CAPN8: variants seen among roughly 807,000 people sequenced by gnomAD.
The protein encoded by CAPN8 is calpain-8.
In CAPN8, 87 loss-of-function variants were observed where a neutral mutation model predicts 80.9. The ratio of observed to expected loss-of-function variants is 1.07; its 90% CI spans 0.90 to 1.28. The LOEUF (loss-of-function observed/expected upper bound fraction) is 1.28, where lower values mean the gene tolerates loss of function less well. CAPN8 is among the 50% of genes most tolerant of loss of function. CAPN8 has a pLI of 0.00. For missense variants in CAPN8, 757 were observed against 702.0 expected (o/e 1.08, Z -0.89); for synonymous variants, 299 against 273.8 (o/e 1.09, Z -0.91).
chr1:223,615,262 C>T (rs1285444571), intron 10 of CAPN8, among the ~76,000 whole-genome samples: 5 of 152,150 alleles, frequency 3.3e-5, no homozygotes, highest in East Asian at 1.9e-4. Flanking sequence ...CCATGAGCCC[C>T]GCTGGAATTT....
chr1:223,623,762 G>A (rs554634831), intron 6 of CAPN8, among the ~76,000 whole-genome samples: 3 of 152,302 alleles, frequency 2.0e-5, no homozygotes, highest in East Asian at 3.9e-4. Flanking sequence ...TTGGGAGGCC[G>A]AGGTGGGCAG....
intron 1 of CAPN8, among the ~76,000 whole-genome samples, chr1:223,660,708 T>A (rs1261995024): frequency 6.6e-6 from 1 of 152,208 alleles, no homozygotes; most frequent in Non-Finnish European, 1.5e-5. Flanking sequence ...GTTCAACCCA[T>A]CTCATCTGCT....
intron 8 of CAPN8, among the ~76,000 whole-genome samples, chr1:223,619,714 A>G (rs972416103): frequency 2.6e-5 from 4 of 152,240 alleles, no homozygotes; most frequent in African/African-American, 9.6e-5. Context: ...AAACTGCAAA[A>G]GACCCCAGGA....
chr1:223,544,000 G>A (rs1176724099), intron 19 of CAPN8, 67 bp downstream of exon 19: 3 of 705,642 alleles, frequency 4.3e-6, no homozygotes, highest in Non-Finnish European at 7.9e-6. Context: ...CTGCCCCTTG[G>A]CCCTGCCCCT....
At chr1:223,542,158 TTATATACACACA>T (rs1486728724) in intron 20 of CAPN8, among the ~76,000 whole-genome samples, 2 of 151,898 alleles carry the variant, frequency 1.3e-5, no homozygotes, top group African/African-American at 4.8e-5. Flanking sequence ...GTGTATACTA[TTATATACACACA>T]TATATATACA....
chr1:223,650,971 C>T (rs968771325), intron 2 of CAPN8, among the ~76,000 whole-genome samples: 2 of 152,256 alleles, frequency 1.3e-5, no homozygotes, highest in Non-Finnish European at 1.5e-5. Flanking sequence ...CTGGCTGGGT[C>T]GCTGAAGTTT....
intron 2 of CAPN8, among the ~76,000 whole-genome samples, chr1:223,650,451 A>G (rs537401835): frequency 6.6e-6 from 1 of 152,312 alleles, no homozygotes; most frequent in South Asian, 2.1e-4. Flanking sequence ...GTGGGAGAAG[A>G]CCCAAACCAT....
rs1265836603 is a variant in CAPN8, at chr1:223,628,724, A to G, written c.364T>C (p.Tyr122His). ...TCCTGGTCCCTGGGGACCACCCGGT[A>G]AAGCAGCTCTTCATTCAGGGTCAGG... ...ASLTLNEELL[Y>H]RVVPRDQDFQ... Residue 122 changes from tyrosine (Y) to histidine (H), a missense_variant, in exon 3 of 21, where the codon TAC becomes CAC. By Grantham distance (83) the Tyr-to-His change is moderately conservative. Transcript: ENST00000366872. The G allele has an allele frequency of 6.4e-7, 1 of 1,552,292 alleles. No homozygotes were observed. Among genetic ancestry groups the G allele is most frequent in the Non-Finnish European group, 8.7e-7 (1 of 1,147,432 alleles).
rs1658037445 is a variant in CAPN8, at chr1:223,641,458, G to T, written c.308-12678C>A. 1.3e-5 allele frequency among the ~76,000 whole-genome samples: 2 copies of T among 151,726 alleles called. 1 individual carries two copies. The highest frequency in any genetic ancestry group is 4.2e-4 in the South Asian group (2 of 4,806). Reference sequence around the variant, plus strand: ...TACCAGTTATCTGCAAATAATGAGGGTTTCCTATCTTGCAATTGTCTCTTC... The same window carrying T: ...TACCAGTTATCTGCAAATAATGAGGTTTTCCTATCTTGCAATTGTCTCTTC... On this transcript the variant is annotated intron_variant, in intron 2 of 20. Transcript: ENST00000366872.
Position 223,620,214 on chromosome 1 carries a change from T to C in CAPN8, c.952A>G (p.Lys318Glu). 6.4e-7 allele frequency: 1 copy of C among 1,551,652 alleles called. No individual in the cohort carries two copies. The highest frequency in any genetic ancestry group is 8.7e-7 in the Non-Finnish European group (1 of 1,146,996). ...DPRRKEELDK[K>E]VEDGEFWMSL... ...CACCAGAATTCTCCATCCTCAACTTTCTTGTCCAGTTCTTCCTTCCGCCGG... is the reference window on the plus strand; with the variant it reads ...CACCAGAATTCTCCATCCTCAACTTCCTTGTCCAGTTCTTCCTTCCGCCGG... Residue 318 changes from lysine (K) to glutamate (E), a missense_variant, in exon 8 of 21, where the codon AAA becomes GAA. Coordinates refer to ENST00000366872, the MANE Select transcript of CAPN8 (RefSeq NM_001143962.2).
intron 2 of CAPN8, among the ~76,000 whole-genome samples, chr1:223,647,674 T>C (rs1354969381): frequency 1.3e-5 from 2 of 152,196 alleles, no homozygotes; most frequent in African/African-American, 4.8e-5. Flanking sequence ...GATCGACACC[T>C]GCTGCAGTCA....
At chr1:223,626,466 A>T (rs1657580978) in intron 5 of CAPN8, among the ~76,000 whole-genome samples, 1 of 152,194 alleles carries the variant, frequency 6.6e-6, no homozygotes. Flanking sequence ...CAGGAGCCCG[A>T]GGTGGTGACA....
intron 2 of CAPN8, among the ~76,000 whole-genome samples, chr1:223,630,299 GCTCT>G (rs34412505): frequency 1.4e-5 from 2 of 146,942 alleles, no homozygotes; most frequent in Admixed American, 6.7e-5. Context: ...CCGCTCACTC[GCTCT>G]CTCTCTCTGT....
chr1:223,616,256 C>T (rs1657185492), intron 9 of CAPN8, 111 bp from the exon 10 acceptor site: 1 of 1,218,402 alleles, frequency 8.2e-7, no homozygotes, highest in Non-Finnish European at 1.1e-6. Flanking sequence ...CAGCTCCATC[C>T]AAACTGTGCC....
At chr1:223,545,928 A>T (rs1656609424) in intron 16 of CAPN8, among the ~76,000 whole-genome samples, 1 of 148,798 alleles carries the variant, frequency 6.7e-6, no homozygotes, top group Non-Finnish European at 1.5e-5. Context: ...GGTTCAAGCA[A>T]TTCTCCATGT....
chr1:223,558,465 C>T (rs928436954), intron 12 of CAPN8, among the ~76,000 whole-genome samples: 6 of 152,108 alleles, frequency 3.9e-5, no homozygotes, highest in South Asian at 2.1e-4. Flanking sequence ...AAAGTGGTAA[C>T]GGGTAAGGTA....
intron 1 of CAPN8, among the ~76,000 whole-genome samples, chr1:223,656,874 TG>T (rs1182101816): frequency 2.6e-5 from 4 of 151,776 alleles, no homozygotes; most frequent in Admixed American, 6.6e-5. Context: ...TTAGTAGAGA[TG>T]GGGTTTCGCC....
At chr1:223,655,182 C>A (rs1216236356) in intron 1 of CAPN8, among the ~76,000 whole-genome samples, 1 of 152,174 alleles carries the variant, frequency 6.6e-6, no homozygotes, top group Non-Finnish European at 1.5e-5. Context: ...ATGCTGTGCA[C>A]CCTGTGGGCA....
At chr1:223,627,976 G>A in intron 4 of CAPN8, 33 bp downstream of exon 4, 4 of 1,507,682 alleles carry the variant, frequency 2.7e-6, no homozygotes, top group South Asian at 1.3e-5. Flanking sequence ...GGGAGGCTCT[G>A]GCGTCTCCCA....
Sources: gnomAD v4.1 joint callset for allele counts (sites outside exome capture counted in the v4.1 genomes callset) on GRCh38, gnomAD v4.1.1 for gene constraint, MANE v1.5 for transcripts, NCBI Gene and HGNC (gene_info 2026-07-23, HGNC 2026-07-21) for gene names.